The following CDH13 variants were observed in gnomAD, a reference collection of about 807,000 sequenced individuals.
CDH13 encodes cadherin 13, also known as cadherin-13.
A neutral mutation model predicts 63.8 loss-of-function variants in CDH13; 24 were observed. The observed-to-expected ratio is 0.38, with a 90% CI of 0.27 to 0.53. The LOEUF (loss-of-function observed/expected upper bound fraction) is 0.53. CDH13 is among the 20% of genes least tolerant of loss of function. The pLI is 0.85. For missense variants in CDH13, 1,049 were observed against 903.1 expected (o/e 1.16, Z -2.07); for synonymous variants, 503 against 355.3 (o/e 1.42, Z -4.67).
chr16:83,016,779 A>C (rs2093805492), intron 2 of CDH13, among the ~76,000 whole-genome samples: 1 of 152,050 alleles, frequency 6.6e-6, no homozygotes, highest in Non-Finnish European at 1.5e-5. Flanking sequence ...GATATCCACA[A>C]GGAAGGAAGG....
intron 6 of CDH13, among the ~76,000 whole-genome samples, chr16:83,436,792 G>A (rs781506338): frequency 1.3e-4 from 20 of 152,360 alleles, no homozygotes; most frequent in Non-Finnish European, 2.5e-4. Flanking sequence ...AAGGTCTGCT[G>A]TGAATGTATG....
At chr16:83,117,319 C>G (rs901651329) in intron 3 of CDH13, among the ~76,000 whole-genome samples, 1 of 152,172 alleles carries the variant, frequency 6.6e-6, no homozygotes, top group East Asian at 1.9e-4. Flanking sequence ...CACACTGAAG[C>G]TCCGCCATGC....
intron 10 of CDH13, among the ~76,000 whole-genome samples, chr16:83,723,396 C>T (rs577631142): frequency 7.2e-5 from 11 of 152,334 alleles, no homozygotes; most frequent in East Asian, 1.9e-4. Context: ...TTGTCTGATT[C>T]GCCTCTGCTT....
chr16:83,670,083 C>G (rs1163486412), intron 8 of CDH13, among the ~76,000 whole-genome samples: 6 of 152,134 alleles, frequency 3.9e-5, no homozygotes, highest in African/African-American at 1.4e-4. Flanking sequence ...CATCAAGGCT[C>G]CAAACAATTC....
At chr16:82,673,707 C>T (rs555935786) in intron 1 of CDH13, among the ~76,000 whole-genome samples, 2 of 152,264 alleles carry the variant, frequency 1.3e-5, no homozygotes, top group African/African-American at 2.4e-5. Flanking sequence ...TTAGTTAAAC[C>T]TGTATATGTT....
At chr16:83,080,871 G>GTTTTTTTTTTT (rs71148809) in intron 3 of CDH13, among the ~76,000 whole-genome samples, 520 of 46,950 alleles carry the variant, frequency 0.011, 126 homozygotes, top group East Asian at 0.045. Context: ...TTGTTTTTGT[G>GTTTTTTTTTTT]TTTTTTTTTT....
At chr16:82,806,228 T>C (rs898079437) in intron 1 of CDH13, among the ~76,000 whole-genome samples, 5 of 152,202 alleles carry the variant, frequency 3.3e-5, no homozygotes, top group African/African-American at 9.6e-5. Flanking sequence ...GACATGCCCT[T>C]GTCCCTTCAT....
At chr16:83,264,869 C>T (rs1354873328) in intron 5 of CDH13, among the ~76,000 whole-genome samples, 1 of 151,920 alleles carries the variant, frequency 6.6e-6, no homozygotes, top group Non-Finnish European at 1.5e-5. Context: ...ATATGGCTGT[C>T]AAACTATGCA....
At chr16:83,274,024 AC>A (rs1272527884) in intron 5 of CDH13, among the ~76,000 whole-genome samples, 1 of 151,952 alleles carries the variant, frequency 6.6e-6, no homozygotes, top group African/African-American at 2.4e-5. Flanking sequence ...TCCACCACTT[AC>A]CTGGGGTTAA....
chr16:82,820,417 A>G (rs1418500486), intron 1 of CDH13, among the ~76,000 whole-genome samples: 1 of 152,160 alleles, frequency 6.6e-6, no homozygotes, highest in Non-Finnish European at 1.5e-5. Flanking sequence ...GGTAGGAACT[A>G]ATTTATGTCC....
chr16:83,503,847 G>A (rs937738591), intron 7 of CDH13, among the ~76,000 whole-genome samples: 5 of 151,592 alleles, frequency 3.3e-5, no homozygotes, highest in African/African-American at 4.9e-5. Flanking sequence ...TAGGTTGCCT[G>A]TTCATTCTGA....
At chr16:82,932,321 G>T (rs941672901) in intron 2 of CDH13, among the ~76,000 whole-genome samples, 1 of 152,086 alleles carries the variant, frequency 6.6e-6, no homozygotes, top group African/African-American at 2.4e-5. Context: ...TGTTTGCTTT[G>T]AAATCCTAAC....
At chr16:83,701,233 T>C (rs563351796) in intron 10 of CDH13, among the ~76,000 whole-genome samples, 4 of 152,166 alleles carry the variant, frequency 2.6e-5, no homozygotes, top group African/African-American at 7.2e-5. Context: ...CCTGAAAAGA[T>C]GAGAGACTCA....
At chr16:83,397,685 A>AGACATTATGCCTATGT (rs1302391996) in intron 6 of CDH13, among the ~76,000 whole-genome samples, 2 of 152,304 alleles carry the variant, frequency 1.3e-5, no homozygotes, top group East Asian at 1.9e-4. Context: ...TGTGTTTCAA[A>AGACATTATGCCTATGT]GACATTATGC....
At chr16:82,848,995 C>T (rs1035951080) in intron 1 of CDH13, among the ~76,000 whole-genome samples, 1 of 152,126 alleles carries the variant, frequency 6.6e-6, no homozygotes, top group Non-Finnish European at 1.5e-5. Context: ...AGTAAGACAG[C>T]CTTATTGCTG....
chr16:83,020,232 C>A (rs1915220327), intron 2 of CDH13, among the ~76,000 whole-genome samples: 1 of 152,076 alleles, frequency 6.6e-6, no homozygotes, highest in Non-Finnish European at 1.5e-5. Flanking sequence ...AGCTGTAGGA[C>A]CTCAATGTAT....
At position 83,602,602 on chromosome 16, in the gene CDH13, C is replaced by T. The variant is rs1025515130; in HGVS notation, c.1101+8C>T. 6.2e-7 allele frequency: 1 copy of T among 1,613,806 alleles called. No homozygotes were observed. Among genetic ancestry groups the T allele is most frequent in the Non-Finnish European group, 8.5e-7 (1 of 1,179,780 alleles). On this transcript the variant is annotated splice_region_variant and intron_variant, in intron 8 of 13. Coordinates refer to ENST00000567109, the MANE Select transcript of CDH13 (RefSeq NM_001257.5). ...AAATTCACCAAGAAAGAGGTAAACC[C>T]CTGTGCCAAACACCAACCACCACTG...
chr16:83,730,467 T>C (rs947315737), intron 10 of CDH13, among the ~76,000 whole-genome samples: 1 of 152,210 alleles, frequency 6.6e-6, no homozygotes, highest in Non-Finnish European at 1.5e-5. Flanking sequence ...AGAATGTTGT[T>C]TTAGGAACTG....
chr16:83,134,148 C>T (rs1285334240), intron 4 of CDH13, among the ~76,000 whole-genome samples: 3 of 152,122 alleles, frequency 2.0e-5, no homozygotes, highest in Non-Finnish European at 2.9e-5. Context: ...AGATAAATTG[C>T]TTGGCAGTCA....
Sources: gnomAD v4.1 joint callset for allele counts (sites outside exome capture counted in the v4.1 genomes callset) on GRCh38, gnomAD v4.1.1 for gene constraint, MANE v1.5 for transcripts, NCBI Gene and HGNC (gene_info 2026-07-23, HGNC 2026-07-21) for gene names.